The following CTNNA3 variants were observed in gnomAD, a reference collection of about 807,000 sequenced individuals.
CTNNA3 encodes the protein catenin alpha 3, also known as catenin alpha-3.
A neutral mutation model predicts 95.7 loss-of-function variants in CTNNA3; 76 were observed. The observed-to-expected ratio is 0.79, with a 90% CI of 0.66 to 0.96. The LOEUF is 0.96. Ranked by LOEUF, CTNNA3 falls within the 40% of genes least tolerant of loss-of-function variation. The pLI is 0.00. For synonymous variants in CTNNA3, 431 were observed against 374.4 expected (o/e 1.15, Z -1.74); for missense variants, 1,191 against 1,089.8 (o/e 1.09, Z -1.31).
At chr10:66,157,876 C>T (rs928732577) in intron 13 of CTNNA3, among the ~76,000 whole-genome samples, 5 of 151,896 alleles carry the variant, frequency 3.3e-5, no homozygotes, top group South Asian at 2.1e-4. Flanking sequence ...AAGGTGGTAT[C>T]GCATTGTGGT....
At chr10:67,230,229 C>A (rs1258782099) in intron 5 of CTNNA3, among the ~76,000 whole-genome samples, 2 of 152,132 alleles carry the variant, frequency 1.3e-5, no homozygotes, top group Admixed American at 6.5e-5. Flanking sequence ...GGAAAGGACA[C>A]CCTTTTCAAC....
At chr10:67,475,864 C>T (rs917243648) in intron 5 of CTNNA3, among the ~76,000 whole-genome samples, 1 of 152,134 alleles carries the variant, frequency 6.6e-6, no homozygotes, top group Non-Finnish European at 1.5e-5. Flanking sequence ...TAAGAAATCA[C>T]TATCGTTTCT....
At chr10:66,788,573 C>T (rs749145469) in intron 7 of CTNNA3, among the ~76,000 whole-genome samples, 28 of 152,248 alleles carry the variant, frequency 1.8e-4, no homozygotes, top group Non-Finnish European at 3.4e-4. Context: ...TCGAGACAAG[C>T]GTGATCTTTT....
chr10:66,394,550 T>TAA (rs71035137), intron 11 of CTNNA3, among the ~76,000 whole-genome samples: 62 of 128,112 alleles, frequency 4.8e-4, no homozygotes, highest in African/African-American at 1.5e-3. Flanking sequence ...AGCACTGGGT[T>TAA]AAAAAAAAAA....
chr10:67,010,278 A>G (rs1052063370), intron 7 of CTNNA3, among the ~76,000 whole-genome samples: 12 of 152,186 alleles, frequency 7.9e-5, no homozygotes, highest in Non-Finnish European at 1.0e-4. Context: ...AGGCAAATAT[A>G]CCTCCTTCCC....
chr10:67,014,719 T>C (rs1213699817), intron 7 of CTNNA3, among the ~76,000 whole-genome samples: 1 of 151,986 alleles, frequency 6.6e-6, no homozygotes, highest in African/African-American at 2.4e-5. Context: ...CTTCAAGTAA[T>C]AAAGAGAAGT....
intron 10 of CTNNA3, among the ~76,000 whole-genome samples, chr10:66,551,037 A>G (rs892310727): frequency 1.4e-4 from 3 of 22,130 alleles, no homozygotes; most frequent in African/African-American, 2.7e-4. Flanking sequence ...AAAGAGAAAA[A>G]TAACTGTTTT....
At chr10:66,425,552 T>C (rs1013797814) in intron 11 of CTNNA3, among the ~76,000 whole-genome samples, 1 of 152,054 alleles carries the variant, frequency 6.6e-6, no homozygotes. Context: ...AAGACAAGAA[T>C]CTTAGCATAT....
In CTNNA3 at chr10:67,640,292, T is replaced by C. The variant is rs4615914; in HGVS notation, c.99+7123A>G. Reference sequence around the variant, plus strand: ...GAATAAAATACCTAGGAATCCAACTTACAAGGGATGTGAAGGATCTCTTCA... The same window carrying C: ...GAATAAAATACCTAGGAATCCAACTCACAAGGGATGTGAAGGATCTCTTCA... On this transcript the variant is annotated intron_variant, in intron 2 of 17. Transcript: ENST00000433211. Among the ~76,000 whole-genome samples, 1,121 of 152,228 alleles carry C rather than the reference T, an allele frequency of 7.4e-3. 16 individuals are homozygous for C. Among genetic ancestry groups the C allele is most frequent in the African/African-American group, 0.026 (1,067 of 41,528 alleles).
intron 13 of CTNNA3, among the ~76,000 whole-genome samples, chr10:66,227,525 C>T (rs1599670): frequency 0.12 from 17,739 of 152,006 alleles, 1,118 homozygotes; most frequent in African/African-American, 0.15. Context: ...AATAATCCCA[C>T]GTAATTGCAA....
chr10:67,568,568 T>C (rs985515028), intron 3 of CTNNA3, among the ~76,000 whole-genome samples: 6 of 151,788 alleles, frequency 4.0e-5, no homozygotes, highest in African/African-American at 1.5e-4. Context: ...CACACATATA[T>C]ATATATGCAA....
intron 9 of CTNNA3, among the ~76,000 whole-genome samples, chr10:66,623,660 T>G (rs2132323143): frequency 6.6e-6 from 1 of 152,258 alleles, no homozygotes; most frequent in African/African-American, 2.4e-5. Flanking sequence ...ATTCTATGCC[T>G]GCACATACTT....
chr10:66,091,102 A>C (rs938531231), intron 14 of CTNNA3, among the ~76,000 whole-genome samples: 4 of 151,902 alleles, frequency 2.6e-5, no homozygotes, highest in Non-Finnish European at 4.4e-5. Flanking sequence ...ATTCAACAAT[A>C]TGTATACATG....
rs551760657 is a variant in CTNNA3, at chr10:67,366,288, C to A, written c.580-146418G>T. Among the ~76,000 whole-genome samples, 13 of 152,244 alleles carry A rather than the reference C, an allele frequency of 8.5e-5. No individual in the cohort carries two copies. The South Asian group carries it at 2.7e-3, about 32-fold the overall frequency. On this transcript the variant is annotated intron_variant, in intron 5 of 17. Coordinates refer to ENST00000433211, the MANE Select transcript of CTNNA3 (RefSeq NM_013266.4). ...CAAGTTGATGGGTGCAGCAAACCAA[C>A]ATGGCACATGTATACCTATGTAACA...
chr10:67,318,862 A>T (rs1022018734), intron 5 of CTNNA3, among the ~76,000 whole-genome samples: 1 of 152,220 alleles, frequency 6.6e-6, no homozygotes, highest in Non-Finnish European at 1.5e-5. Context: ...CTAGCTGTTC[A>T]CAAAAAACTT....
At chr10:67,237,363 G>T (rs2132322079) in intron 5 of CTNNA3, among the ~76,000 whole-genome samples, 2 of 151,096 alleles carry the variant, frequency 1.3e-5, no homozygotes, top group East Asian at 3.9e-4. Flanking sequence ...TGATATAATG[G>T]ACTTTGGGGA....
At chr10:65,976,673 A>C (rs1204712762) in intron 16 of CTNNA3, among the ~76,000 whole-genome samples, 1 of 152,182 alleles carries the variant, frequency 6.6e-6, no homozygotes, top group African/African-American at 2.4e-5. Context: ...ACATGCAGAA[A>C]GCCTTTCTGA....
At chr10:66,393,376 T>C (rs2132536300) in intron 11 of CTNNA3, among the ~76,000 whole-genome samples, 1 of 152,222 alleles carries the variant, frequency 6.6e-6, no homozygotes, top group Middle Eastern at 3.4e-3. Flanking sequence ...ATTTACATAA[T>C]AATAATGTAT....
chr10:66,295,573 A>C (rs2091764676), intron 12 of CTNNA3, among the ~76,000 whole-genome samples: 1 of 152,214 alleles, frequency 6.6e-6, no homozygotes, highest in Non-Finnish European at 1.5e-5. Flanking sequence ...AGGTAGTGTC[A>C]GTTTATAAAG....
Sources: gnomAD v4.1 joint callset for allele counts (sites outside exome capture counted in the v4.1 genomes callset) on GRCh38, gnomAD v4.1.1 for gene constraint, MANE v1.5 for transcripts, NCBI Gene and HGNC (gene_info 2026-07-23, HGNC 2026-07-21) for gene names.